Variants in LRRC28 observed in about 807,000 individuals in gnomAD.
LRRC28 encodes the protein leucine-rich repeat-containing protein 28.
Under a neutral mutation model 45.7 loss-of-function variants are expected in LRRC28, and 39 were observed. That is an observed-to-expected ratio of 0.85 (90% CI 0.66 to 1.12). The LOEUF (loss-of-function observed/expected upper bound fraction) is 1.12, where lower values mean the gene tolerates loss of function less well. Ranked by LOEUF, LRRC28 falls within the 50% of genes most tolerant of loss-of-function variation. LRRC28 has a pLI of 0.00. For missense variants in LRRC28, 435 were observed against 438.5 expected (o/e 0.99, Z 0.07); for synonymous variants, 206 against 178.8 (o/e 1.15, Z -1.22).
chr15:99,279,690 C>A (rs750399446), intron 3 of LRRC28, among the ~76,000 whole-genome samples: 1 of 152,206 alleles, frequency 6.6e-6, no homozygotes, highest in African/African-American at 2.4e-5. Context: ...CTACAACCCA[C>A]GGTTCTTACT....
At chr15:99,356,233 A>G (rs988447474) in intron 7 of LRRC28, among the ~76,000 whole-genome samples, 18 of 152,198 alleles carry the variant, frequency 1.2e-4, no homozygotes, top group African/African-American at 4.3e-4. Context: ...CATTCTCAAG[A>G]AGAAAGATGA....
At chr15:99,306,852 C>T (rs1292401264) in intron 5 of LRRC28, among the ~76,000 whole-genome samples, 1 of 152,196 alleles carries the variant, frequency 6.6e-6, no homozygotes, top group Non-Finnish European at 1.5e-5. Context: ...TGTTTGAGCA[C>T]GGGCTGCTTT....
At chr15:99,327,290 G>T (rs1956016603) in intron 5 of LRRC28, among the ~76,000 whole-genome samples, 1 of 152,074 alleles carries the variant, frequency 6.6e-6, no homozygotes, top group Non-Finnish European at 1.5e-5. Context: ...GGCCAGGCTG[G>T]TCTCAATCAC....
At chr15:99,324,790 A>G (rs569843138) in intron 5 of LRRC28, among the ~76,000 whole-genome samples, 24 of 152,344 alleles carry the variant, frequency 1.6e-4, no homozygotes, top group African/African-American at 4.6e-4. Context: ...AATAAGGTGT[A>G]CAGACTTATG....
intron 6 of LRRC28, among the ~76,000 whole-genome samples, chr15:99,336,661 C>T (rs890165793): frequency 4.6e-5 from 7 of 152,138 alleles, no homozygotes; most frequent in Admixed American, 1.3e-4. Flanking sequence ...CCAGGTGCTC[C>T]CAATTACTTG....
At chr15:99,299,938 C>T (rs894424944) in intron 5 of LRRC28, among the ~76,000 whole-genome samples, 4 of 152,108 alleles carry the variant, frequency 2.6e-5, no homozygotes, top group Non-Finnish European at 2.9e-5. Context: ...TAACAAATAT[C>T]ACTAGTTGTT....
rs536303320 is a variant in LRRC28 at position 99,309,751 on chromosome 15, T to C, written c.385+21800T>C. Among the ~76,000 whole-genome samples, 16 of 152,322 alleles carry C rather than the reference T, an allele frequency of 1.1e-4. No individual in the cohort carries two copies. In the South Asian group the frequency reaches 3.3e-3, roughly 32 times the overall value. ...CTTTTGGGTGCTCTCTTCCACAATT[T>C]CTTATCTTAGGACTTCTGCTTATAG... On this transcript the variant is annotated intron_variant, in intron 5 of 9. Transcript: ENST00000301981.
chr15:99,369,292 T>A (rs1310032599), intron 9 of LRRC28, among the ~76,000 whole-genome samples: 1 of 152,178 alleles, frequency 6.6e-6, no homozygotes, highest in African/African-American at 2.4e-5. Flanking sequence ...CCTCTATTCA[T>A]TACTTCATGT....
chr15:99,333,868 T>C, intron 5 of LRRC28, 55 bp from the exon 6 acceptor site: 2 of 1,536,856 alleles, frequency 1.3e-6, no homozygotes, highest in Middle Eastern at 3.4e-4. Context: ...TGATTCATTT[T>C]GTTTATTTCA....
At position 99,318,595 on chromosome 15, in the gene LRRC28, C is replaced by A. The variant is rs575343785; in HGVS notation, c.386-15328C>A. On this transcript the variant is annotated intron_variant, in intron 5 of 9. Transcript: ENST00000301981. ...CTCTGTAGGTGGTTATCTGAGAACT[C>A]TAAACAAGAGCAGGCAGTAAATTTA... Among the ~76,000 whole-genome samples, 7 of 151,938 alleles carry A rather than the reference C, an allele frequency of 4.6e-5. No individual in the cohort carries two copies. The East Asian group carries it at 1.2e-3, about 25-fold the overall frequency.
intron 5 of LRRC28, among the ~76,000 whole-genome samples, chr15:99,294,163 C>T (rs905953275): frequency 6.6e-6 from 1 of 152,124 alleles, no homozygotes; most frequent in Non-Finnish European, 1.5e-5. Context: ...TGTCTTGATA[C>T]AGGATTTTTT....
chr15:99,306,407 C>G (rs12148825), intron 5 of LRRC28, among the ~76,000 whole-genome samples: 29,410 of 152,138 alleles, frequency 0.19, 3,196 homozygotes, highest in African/African-American at 0.31. Context: ...CCGCTGATAC[C>G]TAAATAAAGT....
intron 9 of LRRC28, among the ~76,000 whole-genome samples, chr15:99,382,234 G>A (rs1329402915): frequency 2.0e-5 from 3 of 152,218 alleles, no homozygotes; most frequent in African/African-American, 2.4e-5. Flanking sequence ...GCAATGGTGG[G>A]TGCCCCTCCC....
At chr15:99,358,999 C>T (rs148121055) in intron 7 of LRRC28, among the ~76,000 whole-genome samples, 3,110 of 151,808 alleles carry the variant, frequency 0.02, 110 homozygotes, top group African/African-American at 0.071. Context: ...CACTTGAACC[C>T]GGGAGGCAGA....
In LRRC28 at chr15:99,287,863, C is replaced by T. The variant is rs1365395268; in HGVS notation, c.297C>T (p.Ala99=). ...AATGTCTGGATCTTAGTGACAATGC[C>T]TTAGAAATTGTTTGCCCAGAAATTG... is the stretch of plus-strand genomic sequence containing the variant. ...KLQCLDLSDN[A]LEIVCPEIGR... The change falls in exon 5 of 10, where the codon GCC becomes GCT. Residue 99 remains alanine, a synonymous_variant. Coordinates refer to ENST00000301981, the MANE Select transcript of LRRC28 (RefSeq NM_144598.5). 1.2e-6 allele frequency: 2 copies of T among 1,613,504 alleles called. No homozygotes were observed. Among genetic ancestry groups the T allele is most frequent in the Admixed American group, 1.7e-5 (1 of 59,936 alleles).
chr15:99,260,255 C>T (rs1371675985), intron 2 of LRRC28, among the ~76,000 whole-genome samples: 1 of 152,056 alleles, frequency 6.6e-6, no homozygotes. Context: ...AAAATCTTGT[C>T]ATGTATAAAA....
At chr15:99,282,467 G>A (rs981000952) in intron 3 of LRRC28, among the ~76,000 whole-genome samples, 4 of 152,082 alleles carry the variant, frequency 2.6e-5, no homozygotes. Flanking sequence ...TTATGTCAAT[G>A]ACAGGCCACA....
At chr15:99,363,340 A>G in intron 9 of LRRC28, 75 bp downstream of exon 9, 1 of 1,533,298 alleles carries the variant, frequency 6.5e-7, no homozygotes, top group East Asian at 2.3e-5. Context: ...GAGGCTGTGC[A>G]TGAAAGCATT....
At chr15:99,255,086 G>C (rs1054466976) in intron 1 of LRRC28, among the ~76,000 whole-genome samples, 1 of 152,186 alleles carries the variant, frequency 6.6e-6, no homozygotes, top group Non-Finnish European at 1.5e-5. Flanking sequence ...GCGAGGCATC[G>C]TGGCTCATGA....
Sources: allele counts gnomAD v4.1 joint callset (sites outside exome capture counted in the v4.1 genomes callset), GRCh38; gene constraint gnomAD v4.1.1; transcripts MANE v1.5; gene names NCBI Gene and HGNC (gene_info 2026-07-23, HGNC 2026-07-21).